Variants in CTNNA3 observed in about 807,000 individuals in gnomAD.
The protein encoded by CTNNA3 is catenin alpha-3.
CTNNA3 carries 76 observed loss-of-function variants against 95.7 expected under a neutral mutation model. That is an observed-to-expected ratio of 0.79 (90% CI 0.66 to 0.96). The LOEUF (loss-of-function observed/expected upper bound fraction) is 0.96, where lower values mean the gene tolerates loss of function less well. CTNNA3 is among the 40% of genes least tolerant of loss of function. The probability of loss-of-function intolerance (pLI) is 0.00; values close to 1 mark genes in which losing one functional copy is unlikely to be tolerated. For synonymous variants in CTNNA3, 431 were observed against 374.4 expected (o/e 1.15, Z -1.74); for missense variants, 1,191 against 1,089.8 (o/e 1.09, Z -1.31).
chr10:66,411,489 A>G (rs2093105177), intron 11 of CTNNA3, among the ~76,000 whole-genome samples: 1 of 151,974 alleles, frequency 6.6e-6, no homozygotes, highest in Non-Finnish European at 1.5e-5. Flanking sequence ...GAATATGATA[A>G]TTACCATGAG....
At chr10:66,226,575 CTT>C (rs201437965) in intron 13 of CTNNA3, among the ~76,000 whole-genome samples, 16 of 138,600 alleles carry the variant, frequency 1.2e-4, no homozygotes, top group South Asian at 2.3e-4. Flanking sequence ...ATTTTTTTTC[CTT>C]TTTTTTTTTT....
At chr10:67,288,824 T>C (rs1564537702) in intron 5 of CTNNA3, among the ~76,000 whole-genome samples, 2 of 152,182 alleles carry the variant, frequency 1.3e-5, no homozygotes, top group Non-Finnish European at 2.9e-5. Context: ...TACTAAATGA[T>C]AGGTAAGTTT....
intron 4 of CTNNA3, among the ~76,000 whole-genome samples, chr10:67,531,456 T>C (rs1840325747): frequency 6.6e-6 from 1 of 152,254 alleles, no homozygotes; most frequent in Non-Finnish European, 1.5e-5. Flanking sequence ...ACTGCCCTGA[T>C]GGATTGTGGA....
chr10:66,307,963 T>C (rs1268934118), intron 12 of CTNNA3, among the ~76,000 whole-genome samples: 1 of 152,174 alleles, frequency 6.6e-6, no homozygotes, highest in Non-Finnish European at 1.5e-5. Flanking sequence ...TCCTGAGGCA[T>C]ACCTGGAAGA....
At chr10:66,841,789 T>C (rs777706530) in intron 7 of CTNNA3, among the ~76,000 whole-genome samples, 2 of 152,176 alleles carry the variant, frequency 1.3e-5, no homozygotes, top group African/African-American at 2.4e-5. Context: ...GTATGGGTAA[T>C]ACATTTTTTG....
At chr10:67,754,710 T>G (rs1259024220) in intron 1 of CTNNA3, among the ~76,000 whole-genome samples, 1 of 152,152 alleles carries the variant, frequency 6.6e-6, no homozygotes, top group Non-Finnish European at 1.5e-5. Context: ...ATAAAAGTCT[T>G]CTGTACAGCA....
intron 11 of CTNNA3, among the ~76,000 whole-genome samples, chr10:66,504,525 T>C (rs149686022): frequency 2.8e-4 from 42 of 152,314 alleles, no homozygotes; most frequent in Admixed American, 2.5e-3. Context: ...CCCCTTCAGC[T>C]CTAGCTGAAA....
intron 17 of CTNNA3, among the ~76,000 whole-genome samples, chr10:65,962,056 T>C (rs1204710532): frequency 6.6e-6 from 1 of 152,186 alleles, no homozygotes; most frequent in Non-Finnish European, 1.5e-5. Context: ...TTGTTTTAAC[T>C]GCCACAGTCA....
At chr10:66,006,666 A>G (rs114451766) in intron 15 of CTNNA3, among the ~76,000 whole-genome samples, 1 of 152,214 alleles carries the variant, frequency 6.6e-6, no homozygotes, top group African/African-American at 2.4e-5. Flanking sequence ...TTCGCTTTAA[A>G]CCACCGTGAT....
At chr10:67,616,213 T>C (rs1398654710) in intron 2 of CTNNA3, among the ~76,000 whole-genome samples, 1 of 152,150 alleles carries the variant, frequency 6.6e-6, no homozygotes, top group Non-Finnish European at 1.5e-5. Flanking sequence ...AAGGCTGGTA[T>C]GGAGGCACCA....
chr10:66,530,778 G>A (rs976799597), intron 10 of CTNNA3, among the ~76,000 whole-genome samples: 8 of 152,008 alleles, frequency 5.3e-5, no homozygotes, highest in Admixed American at 1.3e-4. Context: ...TCACTCACAC[G>A]GAAACTTCTC....
intron 5 of CTNNA3, among the ~76,000 whole-genome samples, chr10:67,485,265 A>G (rs191841803): frequency 1.8e-4 from 28 of 152,316 alleles, no homozygotes; most frequent in African/African-American, 6.5e-4. Context: ...GGAGCTAAAC[A>G]TTGGATACTC....
At chr10:66,469,012 T>C (rs1839032049) in intron 11 of CTNNA3, among the ~76,000 whole-genome samples, 1 of 151,840 alleles carries the variant, frequency 6.6e-6, no homozygotes, top group African/African-American at 2.4e-5. Flanking sequence ...AAAAGAAATA[T>C]AAATGAAAGG....
At chr10:66,944,829 C>CA (rs1184572722) in intron 7 of CTNNA3, among the ~76,000 whole-genome samples, 1 of 152,278 alleles carries the variant, frequency 6.6e-6, no homozygotes, top group Non-Finnish European at 1.5e-5. Flanking sequence ...ATGTATATGT[C>CA]CATCAGAGCT....
intron 13 of CTNNA3, among the ~76,000 whole-genome samples, chr10:66,159,535 A>G (rs1473103177): frequency 6.7e-6 from 1 of 149,636 alleles, no homozygotes; most frequent in East Asian, 2.0e-4. Flanking sequence ...TATCTTTTTG[A>G]TATGTTGTTG....
chr10:67,059,991 T>C (rs994842914), intron 7 of CTNNA3, among the ~76,000 whole-genome samples: 16 of 152,118 alleles, frequency 1.1e-4, no homozygotes, highest in African/African-American at 3.9e-4. Flanking sequence ...CTAATAAGAA[T>C]GGCTTTTTTA....
intron 4 of CTNNA3, among the ~76,000 whole-genome samples, chr10:67,536,645 T>C (rs985774699): frequency 2.6e-5 from 4 of 152,150 alleles, no homozygotes; most frequent in Non-Finnish European, 4.4e-5. Context: ...TAATATACTA[T>C]GGAAGAGTTC....
chr10:67,264,963 G>A (rs1454679854), intron 5 of CTNNA3, among the ~76,000 whole-genome samples: 3 of 152,194 alleles, frequency 2.0e-5, no homozygotes, highest in Admixed American at 6.6e-5. Context: ...TAATGACTTC[G>A]TATCAAGGGT....
intron 7 of CTNNA3, among the ~76,000 whole-genome samples, chr10:66,787,387 C>T (rs1331357298): frequency 2.0e-5 from 3 of 151,890 alleles, no homozygotes; most frequent in Non-Finnish European, 2.9e-5. Context: ...CCCCCTGGTT[C>T]GCTGGTCTGT....
Sources: allele counts gnomAD v4.1 joint callset (sites outside exome capture counted in the v4.1 genomes callset), GRCh38; gene constraint gnomAD v4.1.1; transcripts MANE v1.5; gene names NCBI Gene and HGNC (gene_info 2026-07-23, HGNC 2026-07-21).